Variants in SEPTIN6 observed in about 807,000 individuals in gnomAD.
SEPTIN6 encodes the protein septin-6.
Under a neutral mutation model 33.6 loss-of-function variants are expected in SEPTIN6, and 8 were observed. That is an observed-to-expected ratio of 0.24 (90% CI 0.14 to 0.43). SEPTIN6 has a LOEUF of 0.43. SEPTIN6 is among the 20% of genes least tolerant of loss of function. SEPTIN6 has a pLI of 1.00. For missense variants in SEPTIN6, 250 were observed against 340.8 expected (o/e 0.73, Z 2.10); for synonymous variants, 131 against 140.0 (o/e 0.94, Z 0.45).
intron 2 of SEPTIN6, among the ~76,000 whole-genome samples, chrX:119,673,841 C>CAAAAAA (rs774954935): frequency 2.6e-5 from 1 of 38,184 alleles, no homozygotes; most frequent in Admixed American, 3.0e-4. Context: ...GACTCTGTCT[C>CAAAAAA]AAAAAAAAAA....
downstream of SEPTIN6, chrX:119,616,166 C>T (rs2053662898): frequency 4.6e-6 from 1 of 218,731 alleles, no homozygotes; most frequent in African/African-American, 2.8e-5. Flanking sequence ...CCCTTCTCTA[C>T]CTAAGTGTTA....
rs141281496 is a variant in SEPTIN6 at position 119,686,557 on chromosome X, C to G, written c.30+6519G>C. 1.1e-3 allele frequency: 996 copies of G among 938,226 alleles called. 3 individuals carry two copies. The African/African-American group carries it at 0.018, about 17-fold the overall frequency. 77.3% of individuals were successfully genotyped at this position (938,226 alleles called of 1,213,427 possible). ...TGAAGAAGAGGATAACATTATTTCT[C>G]ACCCTCCTGAGCATGTGGCCTCCTT... On this transcript the variant is annotated intron_variant, in intron 1 of 10. Coordinates refer to ENST00000394610, the MANE Select transcript of SEPTIN6 (RefSeq NM_145799.4).
chrX:119,663,401 C>G (rs1423952552), intron 3 of SEPTIN6, 81 bp downstream of exon 3: 2 of 878,586 alleles, frequency 2.3e-6, no homozygotes, highest in Non-Finnish European at 3.2e-6. Flanking sequence ...TCTGTGCTGT[C>G]TTCAAGATCT....
intron 1 of SEPTIN6, among the ~76,000 whole-genome samples, chrX:119,678,166 G>A (rs1000473350): frequency 1.8e-5 from 2 of 111,157 alleles, no homozygotes; most frequent in Non-Finnish European, 3.8e-5. Context: ...CTGAGCCCAG[G>A]AGGTCGAGGC....
In SEPTIN6 at chrX:119,650,003, G is replaced by A. The variant is rs1382883257; in HGVS notation, c.624C>T (p.Asn208=). The A allele has an allele frequency of 5.6e-5, 68 of 1,209,756 alleles. No individual in the cohort carries two copies. The highest frequency in any genetic ancestry group is 7.4e-5 in the Non-Finnish European group (66 of 894,617). The change falls in exon 5 of 11, where the codon AAC becomes AAT. Residue 208 remains asparagine (N), a synonymous_variant. Transcript: ENST00000394610. The part of the protein sequence containing the change: ...KIKITSELVS[N]GVQIYQFPTD... ...TAGGAAACTGATAGATCTGGACTCC[G>A]TTGCTGACAAGCTCGCTGGTGATTT... is the stretch of plus-strand genomic sequence containing the variant.
intron 5 of SEPTIN6, among the ~76,000 whole-genome samples, chrX:119,649,371 G>C (rs1299394623): frequency 2.8e-5 from 3 of 106,812 alleles, no homozygotes; most frequent in Non-Finnish European, 5.8e-5. Flanking sequence ...TAGGATTACA[G>C]GCGTGAGACA....
At chrX:119,691,213 A>G (rs1056284414) in intron 1 of SEPTIN6, among the ~76,000 whole-genome samples, 10 of 111,903 alleles carry the variant, frequency 8.9e-5, no homozygotes, top group African/African-American at 3.2e-4. Context: ...GAGGTGAAAC[A>G]CACACAACCT....
At chrX:119,657,802 C>T (rs1164853283) in intron 3 of SEPTIN6, among the ~76,000 whole-genome samples, 1 of 111,793 alleles carries the variant, frequency 8.9e-6, no homozygotes, top group Non-Finnish European at 1.9e-5. Context: ...TAAGAGCCAC[C>T]GCGCTTAACC....
intron 2 of SEPTIN6, among the ~76,000 whole-genome samples, chrX:119,673,200 A>G (rs990741724): frequency 2.7e-5 from 3 of 110,986 alleles, no homozygotes; most frequent in African/African-American, 6.5e-5. Flanking sequence ...GTGAGACCTC[A>G]CCTCATCTCT....
chrX:119,617,329 T>C lies in SEPTIN6; in HGVS notation c.*2764A>G, dbSNP rs1467763363. Reference sequence around the variant, plus strand: ...AAAATCTGTCTACAGTGAGAAAAGCTACCCAATGAAATACACATTTTAATA... The same window carrying C: ...AAAATCTGTCTACAGTGAGAAAAGCCACCCAATGAAATACACATTTTAATA... On this transcript the variant is annotated 3_prime_UTR_variant, in exon 11 of 11. Coordinates refer to ENST00000394610, the MANE Select transcript of SEPTIN6 (RefSeq NM_145799.4). 5 of 803,682 alleles carry C rather than the reference T, an allele frequency of 6.2e-6. No homozygotes were observed. Among genetic ancestry groups the C allele is most frequent in the Non-Finnish European group, 7.5e-6 (5 of 670,381 alleles). The allele number at this position is 803,682 out of a possible 1,213,427, so 66.2% of individuals were successfully genotyped here.
intron 1 of SEPTIN6, chrX:119,686,742 C>T (rs2055063276): frequency 2.7e-6 from 1 of 376,635 alleles, no homozygotes; most frequent in Admixed American, 4.5e-5. Context: ...CTGGTGGCTC[C>T]AAGATTTTTA....
chrX:119,676,136 G>A (rs770478178), intron 1 of SEPTIN6, among the ~76,000 whole-genome samples: 1 of 112,159 alleles, frequency 8.9e-6, no homozygotes, highest in South Asian at 3.7e-4. Context: ...ATATGCAGAA[G>A]TATTCAGTAA....
chrX:119,675,023 A>G (rs2054819250), intron 2 of SEPTIN6, among the ~76,000 whole-genome samples: 1 of 105,259 alleles, frequency 9.5e-6, no homozygotes, highest in Non-Finnish European at 1.9e-5. Flanking sequence ...CCTGGGCAAC[A>G]TAGTGAGACC....
intron 3 of SEPTIN6, among the ~76,000 whole-genome samples, chrX:119,662,185 G>A (rs1467430245): frequency 9.0e-6 from 1 of 111,368 alleles, no homozygotes; most frequent in Non-Finnish European, 1.9e-5. Context: ...TCTGATCCCT[G>A]GGTGATTTTA....
intron 3 of SEPTIN6, among the ~76,000 whole-genome samples, chrX:119,659,242 A>G (rs2054500348): frequency 9.0e-6 from 1 of 111,377 alleles, no homozygotes; most frequent in Admixed American, 9.6e-5. Flanking sequence ...TCCCCTGCTG[A>G]CTTACATATG....
intron 4 of SEPTIN6, among the ~76,000 whole-genome samples, chrX:119,651,491 G>A (rs1302524604): frequency 9.0e-6 from 1 of 111,338 alleles, no homozygotes; most frequent in Non-Finnish European, 1.9e-5. Context: ...TGGCCAACAT[G>A]GTGAAACCCC....
intron 1 of SEPTIN6, among the ~76,000 whole-genome samples, chrX:119,680,234 TATTTATTA>T (rs1312971650): frequency 3.9e-5 from 4 of 102,855 alleles, no homozygotes; most frequent in Non-Finnish European, 8.0e-5. Context: ...TTTATTTATT[TATTTATTA>T]GAGATGGAGT....
intron 1 of SEPTIN6, among the ~76,000 whole-genome samples, chrX:119,678,559 T>C (rs1213593925): frequency 1.8e-5 from 2 of 110,853 alleles, no homozygotes; most frequent in Non-Finnish European, 3.8e-5. Context: ...GCCTCATGAG[T>C]GGTTCACATC....
chrX:119,692,794 G>A (rs1344274384), intron 1 of SEPTIN6, among the ~76,000 whole-genome samples: 4 of 112,294 alleles, frequency 3.6e-5, no homozygotes, highest in Admixed American at 9.5e-5. Context: ...TGCAGCGAGG[G>A]AGGCGGTGGC....
Sources: allele counts gnomAD v4.1 joint callset (sites outside exome capture counted in the v4.1 genomes callset), GRCh38; gene constraint gnomAD v4.1.1; transcripts MANE v1.5; gene names NCBI Gene and HGNC (gene_info 2026-07-23, HGNC 2026-07-21).